The following DNAJA2 variants were observed in gnomAD, a reference collection of about 807,000 sequenced individuals.
DNAJA2 encodes the protein dnaJ homolog subfamily A member 2.
A neutral mutation model predicts 49.3 loss-of-function variants in DNAJA2; 6 were observed. That is an observed-to-expected ratio of 0.12 (90% CI 0.07 to 0.24). The LOEUF (loss-of-function observed/expected upper bound fraction) is 0.24, where lower values mean the gene tolerates loss of function less well. Among genes scored for constraint, DNAJA2 ranks in the 10% least tolerant of loss-of-function variants. DNAJA2 has a pLI of 1.00. For synonymous variants in DNAJA2, 160 were observed against 172.7 expected, an observed-to-expected ratio of 0.93 and a Z score of 0.58; for missense variants, 347 against 516.8, an observed-to-expected ratio of 0.67 and a Z score of 3.19.
Position 46,959,241 on chromosome 16 carries a change from T to C in DNAJA2, c.919+34A>G, listed in dbSNP as rs371973739. The stretch of plus-strand genomic sequence containing the variant: ...AAATTGTAATTTTTTTCAAAAATAC[T>C]TGAAAACCAGAATCGGACAAAATCA... On this transcript the variant is annotated intron_variant, in intron 7 of 8. Coordinates refer to ENST00000317089, the MANE Select transcript of DNAJA2 (RefSeq NM_005880.4). 2.5e-6 allele frequency: 4 copies of C among 1,585,136 alleles called. No homozygotes were observed. The South Asian group carries it at 3.4e-5, about 14-fold the overall frequency.
chr16:46,971,334 A>G lies in DNAJA2; in HGVS notation c.362+15T>C, dbSNP rs770484349. ...AAGTACTTAATTTTTTAAAACAACA[A>G]AACAAGATATTCACTTGAGTGGATG... On this transcript the variant is annotated intron_variant, in intron 3 of 8. Transcript: ENST00000317089. 9 of 1,598,970 alleles carry G rather than the reference A, an allele frequency of 5.6e-6. No individual in the cohort carries two copies. Among genetic ancestry groups the G allele is most frequent in the Non-Finnish European group, 7.7e-6 (9 of 1,173,698 alleles).
At chr16:46,965,978 C>T (rs1057280391) in intron 5 of DNAJA2, among the ~76,000 whole-genome samples, 1 of 152,014 alleles carries the variant, frequency 6.6e-6, no homozygotes, top group East Asian at 1.9e-4. Context: ...AATCCCAGCC[C>T]TTTGGGAGGC....
intron 6 of DNAJA2, among the ~76,000 whole-genome samples, chr16:46,961,987 T>TA (rs1961902732): frequency 6.6e-6 from 1 of 151,566 alleles, no homozygotes; most frequent in African/African-American, 2.4e-5. Flanking sequence ...ATGATGACTA[T>TA]AGATGATACA....
Position 46,955,405 on chromosome 16 carries a change from T to C in DNAJA2, c.*1624A>G, listed in dbSNP as rs1421417134. On this transcript the variant is annotated 3_prime_UTR_variant, in exon 9 of 9. Transcript: ENST00000317089. ...TATTGGAAAGGCTACAAACTTTATA[T>C]TGCCACCACATTTCTTATGTTTAAA... 1.3e-5 allele frequency: 2 copies of C among 152,224 alleles called. No homozygotes were observed. The highest frequency in any genetic ancestry group is 4.8e-5 in the African/African-American group (2 of 41,450). The allele number at this position is 152,224 out of a possible 1,614,324, so 9.4% of individuals were successfully genotyped here. A position where few individuals can be genotyped will look rare whatever the true frequency, so the allele number is the denominator to read the frequency against.
chr16:46,968,846 G>C (rs1962009430), intron 3 of DNAJA2, among the ~76,000 whole-genome samples: 1 of 152,118 alleles, frequency 6.6e-6, no homozygotes, highest in Non-Finnish European at 1.5e-5. Context: ...CAGAGTTCAA[G>C]ACCAGCCTGA....
At chr16:46,973,222 G>A (rs1962082230) in intron 1 of DNAJA2, among the ~76,000 whole-genome samples, 1 of 152,152 alleles carries the variant, frequency 6.6e-6, no homozygotes. Context: ...TTCAAGGAGG[G>A]AGGAAGGAAG....
Position 46,973,531 on chromosome 16 carries a change from G to T in DNAJA2, c.42C>A (p.Gly14=). ...VADTKLYDIL[G]VPPGASENEL... is the part of the protein sequence containing the mutation. ...CGTTCTCGCTGGCGCCGGGCGGGAC[G>T]CCCAGGATGTCGTACAGCTTCGTGT... Residue 14 remains glycine (G), a synonymous_variant, in exon 1 of 9, where the codon GGC becomes GGA. Transcript: ENST00000317089. 1 of 1,602,606 alleles carries T rather than the reference G, an allele frequency of 6.2e-7. No individual in the cohort carries two copies. The highest frequency in any genetic ancestry group is 8.5e-7 in the Non-Finnish European group (1 of 1,177,558).
At chr16:46,959,199 C>A in intron 7 of DNAJA2, 69 bp from the exon 8 acceptor site, 1 of 1,579,866 alleles carries the variant, frequency 6.3e-7, no homozygotes. Flanking sequence ...TAGAGTTATG[C>A]AGTATAAAAA....
chr16:46,967,463 C>T, intron 5 of DNAJA2, 50 bp downstream of exon 5: 2 of 1,608,576 alleles, frequency 1.2e-6, no homozygotes, highest in Non-Finnish European at 1.7e-6. Context: ...CCAATATCTG[C>T]ATTCCCAATC....
chr16:46,957,319 G>T, intron 8 of DNAJA2, 99 bp from the exon 9 acceptor site: 2 of 1,149,964 alleles, frequency 1.7e-6, no homozygotes, highest in South Asian at 1.5e-5. Flanking sequence ...TTTAAAAAGG[G>T]GCTGGGTGTG....
chr16:46,968,373 T>A lies in DNAJA2; in HGVS notation c.363-209A>T, dbSNP rs185063084. On this transcript the variant is annotated intron_variant, in intron 3 of 8. Coordinates refer to ENST00000317089, the MANE Select transcript of DNAJA2 (RefSeq NM_005880.4). ...TTTATGACTACAGACAGTACATATA[T>A]GATACCCAAAGCCAGAGCCTATAGC... is the stretch of plus-strand genomic sequence containing the variant. Among the ~76,000 whole-genome samples the A allele has an allele frequency of 3.2e-3, 484 of 152,340 alleles. 14 individuals carry two copies. The East Asian group carries it at 0.077, about 24-fold the overall frequency.
chr16:46,962,523 A>G (rs1168209727), intron 6 of DNAJA2, among the ~76,000 whole-genome samples: 3 of 152,138 alleles, frequency 2.0e-5, no homozygotes, highest in Admixed American at 1.3e-4. Flanking sequence ...TGTCTGTACC[A>G]TTTTACAACA....
In DNAJA2 at chr16:46,967,493, A is replaced by G. The variant is rs1346132290; in HGVS notation, c.577+20T>C. Reference sequence around the variant, plus strand: ...CCAATCCATTCCAACATAAAAGCAGAGAAGTACTGGCACACATACCTTCTC... The same window carrying G: ...CCAATCCATTCCAACATAAAAGCAGGGAAGTACTGGCACACATACCTTCTC... On this transcript the variant is annotated intron_variant, in intron 5 of 8. Transcript: ENST00000317089. The G allele has an allele frequency of 2.5e-6, 4 of 1,613,256 alleles. No homozygotes were observed. The highest frequency in any genetic ancestry group is 3.3e-4 in the Middle Eastern group (2 of 6,056).
Position 46,959,065 on chromosome 16 carries a change from G to A in DNAJA2, c.985C>T (p.Leu329Phe). The stretch of plus-strand genomic sequence containing the variant: ...AACTGCACATCAAACTTTATGTAAA[G>A]ATCACCTTTTTCAAAGGGATTACGA... Reference protein sequence around the residue: ...QYRNPFEKGDLYIKFDVQFPE... With the variant: ...QYRNPFEKGDFYIKFDVQFPE... Residue 329 changes from leucine (L) to phenylalanine (F), a missense_variant, in exon 8 of 9, where the codon CTT becomes TTT. Transcript: ENST00000317089. The A allele has an allele frequency of 6.2e-7, 1 of 1,613,296 alleles. No individual in the cohort carries two copies. Among genetic ancestry groups the A allele is most frequent in the Non-Finnish European group, 8.5e-7 (1 of 1,179,772 alleles).
chr16:46,965,197 G>A (rs977068227), intron 5 of DNAJA2, among the ~76,000 whole-genome samples: 1 of 152,098 alleles, frequency 6.6e-6, no homozygotes, highest in African/African-American at 2.4e-5. Context: ...GTGACAGTGT[G>A]AGGCCATGTC....
In DNAJA2 at chr16:46,971,921, T is replaced by A. The variant is rs1198196112; in HGVS notation, c.113A>T (p.Asp38Val). 1 of 1,613,070 alleles carries A rather than the reference T, an allele frequency of 6.2e-7. No homozygotes were observed. Among genetic ancestry groups the A allele is most frequent in the Non-Finnish European group, 8.5e-7 (1 of 1,179,386 alleles). Residue 38 changes from aspartate to valine, a missense_variant, in exon 2 of 9, where the codon GAT becomes GTT. Coordinates refer to ENST00000317089, the MANE Select transcript of DNAJA2 (RefSeq NM_005880.4). ...TTTGTCTCCTGCATTTGGATTCTTATCAGGATGATATTCCTTGGCTAACTT... is the reference window on the plus strand; with the variant it reads ...TTTGTCTCCTGCATTTGGATTCTTAACAGGATGATATTCCTTGGCTAACTT... ...YRKLAKEYHP[D>V]KNPNAGDKFK...
rs1962085992 is a variant in DNAJA2 at position 46,973,401 on chromosome 16, G to C, written c.78+94C>G. On this transcript the variant is annotated intron_variant, in intron 1 of 8. Transcript: ENST00000317089. The stretch of plus-strand genomic sequence containing the variant: ...GGCCAGTCACGGCCGGCGCCGGCTC[G>C]CGGGCAGCCCAGTAGCGCGGCCTGG... 7 of 1,151,890 alleles carry C rather than the reference G, an allele frequency of 6.1e-6. No homozygotes were observed. In the Admixed American group the frequency reaches 1.7e-4, roughly 28 times the overall value. 71.4% of individuals were successfully genotyped at this position (1,151,890 alleles called of 1,614,324 possible).
chr16:46,970,756 A>AAAAAAAG (rs1962033694), intron 3 of DNAJA2, among the ~76,000 whole-genome samples: 1 of 145,388 alleles, frequency 6.9e-6, no homozygotes, highest in African/African-American at 2.6e-5. Context: ...AAAAAAAAAA[A>AAAAAAAG]GGTCGGGCAC....
At chr16:46,963,828 C>A (rs535897179) in intron 6 of DNAJA2, among the ~76,000 whole-genome samples, 1 of 152,258 alleles carries the variant, frequency 6.6e-6, no homozygotes, top group South Asian at 2.1e-4. Flanking sequence ...TAAGTAAAAA[C>A]CAAATCGACA....
Sources: allele counts gnomAD v4.1 joint callset (sites outside exome capture counted in the v4.1 genomes callset), GRCh38; gene constraint gnomAD v4.1.1; transcripts MANE v1.5; gene names NCBI Gene and HGNC (gene_info 2026-07-23, HGNC 2026-07-21).